CRYBA1: variants seen among roughly 807,000 people sequenced by gnomAD.
The protein encoded by CRYBA1 is crystallin beta A1.
Under a neutral mutation model 36.2 loss-of-function variants are expected in CRYBA1, and 25 were observed. The ratio of observed to expected loss-of-function variants is 0.69; its 90% CI spans 0.50 to 0.97. The LOEUF (loss-of-function observed/expected upper bound fraction) is 0.97, where lower values mean the gene tolerates loss of function less well. Among genes scored for constraint, CRYBA1 ranks in the 50% least tolerant of loss-of-function variants. The probability of loss-of-function intolerance (pLI) is 0.00; values close to 1 mark genes in which losing one functional copy is unlikely to be tolerated. For missense variants in CRYBA1, 224 were observed against 276.3 expected, an observed-to-expected ratio of 0.81 and a Z score of 1.34; for synonymous variants, 111 against 90.0, an observed-to-expected ratio of 1.23 and a Z score of -1.32.
rs548195561 is a variant in CRYBA1, at chr17:29,253,742, T to A, written c.460T>A (p.Phe154Ile). 1.2e-6 allele frequency: 2 copies of A among 1,614,176 alleles called. No individual in the cohort carries two copies. Among genetic ancestry groups the A allele is most frequent in the Non-Finnish European group, 1.7e-6 (2 of 1,180,028 alleles). The change falls in exon 5 of 6, where the codon TTC becomes ATC. Residue 154 changes from phenylalanine to isoleucine, a missense_variant. Transcript: ENST00000225387. ...DYPSLQAMGWFNNEVGSMKIQ... is the reference protein window; with the variant it reads ...DYPSLQAMGWINNEVGSMKIQ... ...CCCCTCCTTGCAAGCCATGGGCTGG[T>A]TCAACAACGAAGTCGGCTCCATGAA...
At position 29,254,478 on chromosome 17, in the gene CRYBA1, C is replaced by T; in HGVS notation, c.*129C>T. The T allele has an allele frequency of 2.1e-6, 2 of 952,814 alleles. No homozygotes were observed. The highest frequency in any genetic ancestry group is 3.2e-6 in the Non-Finnish European group (2 of 627,194). The allele number at this position is 952,814 out of a possible 1,614,324, so 59.0% of individuals were successfully genotyped here. On this transcript the variant is annotated 3_prime_UTR_variant, in exon 6 of 6. Transcript: ENST00000225387. ...AGCTGCTGAAATCCACAATAAACGTCATTTAAAAAAAAAAAACTTTGTAGA... is the reference window on the plus strand; with the variant it reads ...AGCTGCTGAAATCCACAATAAACGTTATTTAAAAAAAAAAAACTTTGTAGA...
At chr17:29,251,465 G>A (rs553237395) in intron 3 of CRYBA1, among the ~76,000 whole-genome samples, 1 of 152,104 alleles carries the variant, frequency 6.6e-6, no homozygotes, top group South Asian at 2.1e-4. Flanking sequence ...AACAGGTAGA[G>A]AATAGGTGAT....
intron 2 of CRYBA1, 146 bp downstream of exon 2, chr17:29,249,352 C>T (rs529474058): frequency 8.5e-4 from 534 of 628,196 alleles, no homozygotes; most frequent in Non-Finnish European, 1.3e-3. Context: ...CCAGTGCTGT[C>T]GAAGGAAGGA....
chr17:29,248,097 CAA>C (rs1308512320), intron 1 of CRYBA1, among the ~76,000 whole-genome samples: 1 of 147,364 alleles, frequency 6.8e-6, no homozygotes, highest in Non-Finnish European at 1.5e-5. Flanking sequence ...GCCTGGGCAA[CAA>C]GAGTGAAACT....
At chr17:29,253,582 G>T in intron 4 of CRYBA1, 58 bp from the exon 5 acceptor site, 1 of 1,404,694 alleles carries the variant, frequency 7.1e-7, no homozygotes, top group South Asian at 1.2e-5. Context: ...TGAAAAACAT[G>T]AAGAATGATA....
At chr17:29,250,034 C>T in intron 2 of CRYBA1, 148 bp from the exon 3 acceptor site, 1 of 736,616 alleles carries the variant, frequency 1.4e-6, no homozygotes, top group South Asian at 1.4e-5. Flanking sequence ...CCCTTCCTGC[C>T]CTGTCTACAC....
intron 3 of CRYBA1, among the ~76,000 whole-genome samples, chr17:29,251,594 C>T (rs192749496): frequency 4.5e-4 from 69 of 152,154 alleles, no homozygotes; most frequent in East Asian, 4.3e-3. Context: ...CAAGGCTCAA[C>T]CCTCAGCCCC....
At chr17:29,249,628 A>C (rs1345022596) in intron 2 of CRYBA1, among the ~76,000 whole-genome samples, 2 of 152,140 alleles carry the variant, frequency 1.3e-5, no homozygotes, top group Non-Finnish European at 2.9e-5. Flanking sequence ...CAGGCCTCTC[A>C]CTGGCCTCTC....
Position 29,254,429 on chromosome 17 carries a change from T to C in CRYBA1, c.*80T>C. 6.9e-7 allele frequency: 1 copy of C among 1,439,834 alleles called. No individual in the cohort carries two copies. Among genetic ancestry groups the C allele is most frequent in the Non-Finnish European group, 9.8e-7 (1 of 1,024,226 alleles). 89.2% of individuals were successfully genotyped at this position (1,439,834 alleles called of 1,614,324 possible). A position where few individuals can be genotyped will look rare whatever the true frequency, so the allele number is the denominator to read the frequency against. ...CTCTAGAATAAGTTTTATGTTCTGC[T>C]CACAGACATTGCTTTCAAATGTTAG... is the stretch of plus-strand genomic sequence containing the variant. On this transcript the variant is annotated 3_prime_UTR_variant, in exon 6 of 6. Transcript: ENST00000225387.
At chr17:29,252,992 G>T (rs531983851) in intron 4 of CRYBA1, among the ~76,000 whole-genome samples, 2 of 152,084 alleles carry the variant, frequency 1.3e-5, no homozygotes, top group South Asian at 2.1e-4. Context: ...CCACCCTAAG[G>T]TATAACTGAC....
Position 29,250,206 on chromosome 17 carries a change from T to C in CRYBA1, c.121T>C (p.Phe41Leu). The C allele has an allele frequency of 6.2e-7, 1 of 1,608,140 alleles. No homozygotes were observed. The highest frequency in any genetic ancestry group is 2.2e-5 in the East Asian group (1 of 44,864). ...GATAACCATCTATGATCAGGAGAAC[T>C]TTCAGGGCAAGAGGATGGAGTTCAC... is the stretch of plus-strand genomic sequence containing the variant. ...WKITIYDQENFQGKRMEFTSS... is the reference protein window; with the variant it reads ...WKITIYDQENLQGKRMEFTSS... Residue 41 changes from phenylalanine to leucine, a missense_variant, in exon 3 of 6, where the codon TTT becomes CTT. Transcript: ENST00000225387.
chr17:29,248,607 C>T (rs1005478177), intron 1 of CRYBA1, among the ~76,000 whole-genome samples: 4 of 151,476 alleles, frequency 2.6e-5, no homozygotes, highest in Non-Finnish European at 4.4e-5. Context: ...TCAGGTGATC[C>T]GCCCGCTTTG....
intron 3 of CRYBA1, 142 bp downstream of exon 3, chr17:29,250,442 C>T (rs1314876290): frequency 2.8e-6 from 2 of 725,412 alleles, no homozygotes; most frequent in Non-Finnish European, 5.1e-6. Flanking sequence ...GAAATCACTA[C>T]ATGCATAATT....
In CRYBA1 at chr17:29,249,208, TA is replaced by T; in HGVS notation, c.96+4del. 6.2e-7 allele frequency: 1 copy of T among 1,602,644 alleles called. No individual in the cohort carries two copies. Among genetic ancestry groups the T allele is most frequent in the Non-Finnish European group, 8.5e-7 (1 of 1,170,240 alleles). On this transcript the variant is annotated splice_donor_region_variant and intron_variant, in intron 2 of 5. Transcript: ENST00000225387. The stretch of plus-strand genomic sequence containing the variant: ...CCGGGGTCCCTGGGGCCATGGAAGG[TA>T]AGCCCACCCCCATCACATCCAACAG...
chr17:29,249,344 A>G (rs2068921584), intron 2 of CRYBA1, 138 bp downstream of exon 2: 1 of 648,086 alleles, frequency 1.5e-6, no homozygotes, highest in East Asian at 2.7e-5. Context: ...CACAAGCTCC[A>G]GTGCTGTCGA....
At position 29,249,225 on chromosome 17, in the gene CRYBA1, C is replaced by T. The variant is rs375944509; in HGVS notation, c.96+19C>T. On this transcript the variant is annotated intron_variant, in intron 2 of 5. Transcript: ENST00000225387. ...ATGGAAGGTAAGCCCACCCCCATCA[C>T]ATCCAACAGGGCAGGGGTGACATGC... The T allele has an allele frequency of 5.2e-6, 8 of 1,552,742 alleles. No homozygotes were observed. The African/African-American group carries it at 5.4e-5, about 11-fold the overall frequency.
chr17:29,252,541 T>C (rs1362551794), intron 4 of CRYBA1, among the ~76,000 whole-genome samples: 1 of 152,170 alleles, frequency 6.6e-6, no homozygotes, highest in Non-Finnish European at 1.5e-5. Context: ...TCAATCTGTG[T>C]AACATTTTTA....
chr17:29,253,149 C>T (rs2068946336), intron 4 of CRYBA1, among the ~76,000 whole-genome samples: 2 of 152,198 alleles, frequency 1.3e-5, no homozygotes, highest in Non-Finnish European at 2.9e-5. Flanking sequence ...TCCCCTACCA[C>T]TTTCTATTAC....
Position 29,252,128 on chromosome 17 carries a change from C to T in CRYBA1, c.280C>T (p.Pro94Ser), listed in dbSNP as rs1386185530. ...QQFILERGEY[P>S]RWDAWSGSNA... ...GTTTATCCTGGAGAGAGGAGAATAC[C>T]CTCGCTGGGATGCCTGGAGTGGGAG... is the stretch of plus-strand genomic sequence containing the variant. The change falls in exon 4 of 6, where the codon CCT becomes TCT. Residue 94 changes from proline (P) to serine (S), a missense_variant. Physicochemically the swap from Pro to Ser is moderately conservative, Grantham distance 74. Transcript: ENST00000225387. 1 of 1,614,064 alleles carries T rather than the reference C, an allele frequency of 6.2e-7. No individual in the cohort carries two copies. The highest frequency in any genetic ancestry group is 2.2e-5 in the East Asian group (1 of 44,872).
Sources: allele counts gnomAD v4.1 joint callset (sites outside exome capture counted in the v4.1 genomes callset), GRCh38; gene constraint gnomAD v4.1.1; transcripts MANE v1.5; gene names NCBI Gene and HGNC (gene_info 2026-07-23, HGNC 2026-07-21).